Variants in SERINC5 observed in about 807,000 individuals in gnomAD.
SERINC5 encodes the protein serine incorporator 5.
In SERINC5, 41 loss-of-function variants were observed where a neutral mutation model predicts 63.1. The observed-to-expected ratio is 0.65, with a 90% CI of 0.51 to 0.84. SERINC5 has a LOEUF of 0.84. SERINC5 is among the 40% of genes least tolerant of loss of function. SERINC5 has a pLI of 0.00. For synonymous variants in SERINC5, 222 were observed against 215.2 expected, an observed-to-expected ratio of 1.03 and a Z score of -0.28; for missense variants, 523 against 573.0, an observed-to-expected ratio of 0.91 and a Z score of 0.89.
Position 80,146,207 on chromosome 5 carries a change from T to A in SERINC5, c.1121A>T (p.Glu374Val). 6.2e-7 allele frequency: 1 copy of A among 1,614,008 alleles called. No homozygotes were observed. ...EDTEEQQPGK[E>V]GPRVIYDEKK... ...CTCGTCATAAATGACCCGTGGTCCC[T>A]CCTTCCCCGGCTGCTGCTCTTCAGT... Residue 374 changes from glutamate to valine, a missense_variant, in exon 11 of 12, where the codon GAG becomes GTG. Transcript: ENST00000507668.
intron 1 of SERINC5, among the ~76,000 whole-genome samples, chr5:80,243,125 T>G (rs1192239795): frequency 1.3e-5 from 2 of 152,216 alleles, no homozygotes; most frequent in Non-Finnish European, 2.9e-5. Flanking sequence ...CCCTGGTCTT[T>G]AGGCAACATT....
chr5:80,121,864 A>AC (rs1744556280), intron 11 of SERINC5, among the ~76,000 whole-genome samples: 1 of 151,764 alleles, frequency 6.6e-6, no homozygotes, highest in African/African-American at 2.4e-5. Context: ...TAGAGTGAGA[A>AC]CCCACTCATT....
At chr5:80,185,618 A>G (rs1748746003) in intron 2 of SERINC5, among the ~76,000 whole-genome samples, 1 of 152,134 alleles carries the variant, frequency 6.6e-6, no homozygotes. Flanking sequence ...AAAGGGAGAT[A>G]AGGGTGGGGC....
chr5:80,136,796 G>T (rs1362004403), downstream of SERINC5, among the ~76,000 whole-genome samples: 1 of 152,080 alleles, frequency 6.6e-6, no homozygotes, highest in Non-Finnish European at 1.5e-5. Context: ...CACCTGAATA[G>T]GTATTTCTCA....
chr5:80,230,175 A>C (rs772744794), intron 1 of SERINC5, among the ~76,000 whole-genome samples: 9 of 152,168 alleles, frequency 5.9e-5, no homozygotes, highest in Admixed American at 1.3e-4. Flanking sequence ...CTCACACCTG[A>C]CCAAAAACCT....
At chr5:80,249,520 C>T (rs1288535493) in intron 1 of SERINC5, among the ~76,000 whole-genome samples, 2 of 151,358 alleles carry the variant, frequency 1.3e-5, no homozygotes, top group Non-Finnish European at 2.9e-5. Context: ...TTATAAATAT[C>T]GGCCGGGCAC....
rs951183807 is a variant in SERINC5 at position 80,139,346 on chromosome 5, G to C, written c.*4317C>G. 1 of 984,746 alleles carries C rather than the reference G, an allele frequency of 1.0e-6. No individual in the cohort carries two copies. Among genetic ancestry groups the C allele is most frequent in the African/African-American group, 1.7e-5 (1 of 57,164 alleles). The allele number at this position is 984,746 out of a possible 1,614,324, so 61.0% of individuals were successfully genotyped here. A position where few individuals can be genotyped will look rare whatever the true frequency, so the allele number is the denominator to read the frequency against. On this transcript the variant is annotated 3_prime_UTR_variant, in exon 12 of 12. Coordinates refer to ENST00000507668, the MANE Select transcript of SERINC5 (RefSeq NM_001174072.3). ...AATCTGCTGTAAGCTTTCTTTACCT[G>C]AGAGAACTTCCCAGGATCCTTTATC...
intron 8 of SERINC5, among the ~76,000 whole-genome samples, chr5:80,153,371 T>C (rs1473276065): frequency 1.3e-5 from 2 of 151,884 alleles, no homozygotes; most frequent in African/African-American, 4.8e-5. Flanking sequence ...GGCAAGAGAA[T>C]TGCTTGAACC....
chr5:80,140,250 T>C lies in SERINC5; in HGVS notation c.*3413A>G. On this transcript the variant is annotated 3_prime_UTR_variant, in exon 12 of 12. Coordinates refer to ENST00000507668, the MANE Select transcript of SERINC5 (RefSeq NM_001174072.3). ...TGAGCCCAGGAGGTCAAGCCTGCCATGAGTCAAGATCATGTCACTGCACTC... is the reference window on the plus strand; with the variant it reads ...TGAGCCCAGGAGGTCAAGCCTGCCACGAGTCAAGATCATGTCACTGCACTC... The C allele has an allele frequency of 1.1e-6, 1 of 891,236 alleles. No homozygotes were observed. The highest frequency in any genetic ancestry group is 1.3e-6 in the Non-Finnish European group (1 of 764,948). The allele number at this position is 891,236 out of a possible 1,614,324, so 55.2% of individuals were successfully genotyped here.
rs1745420693 is a variant in SERINC5 at position 80,140,243 on chromosome 5, C to T, written c.*3420G>A. 9 of 889,952 alleles carry T rather than the reference C, an allele frequency of 1.0e-5. No individual in the cohort carries two copies. Among genetic ancestry groups the T allele is most frequent in the Non-Finnish European group, 1.2e-5 (9 of 754,358 alleles). The allele number at this position is 889,952 out of a possible 1,614,324, so 55.1% of individuals were successfully genotyped here. On this transcript the variant is annotated 3_prime_UTR_variant, in exon 12 of 12. Transcript: ENST00000507668. The stretch of plus-strand genomic sequence containing the variant: ...TGGTCCTTGAGCCCAGGAGGTCAAG[C>T]CTGCCATGAGTCAAGATCATGTCAC...
chr5:80,169,861 AAC>A (rs1747537515), intron 5 of SERINC5, among the ~76,000 whole-genome samples: 1 of 152,194 alleles, frequency 6.6e-6, no homozygotes, highest in Non-Finnish European at 1.5e-5. Context: ...AGACTGAGGC[AAC>A]AGTCTCAATC....
chr5:80,141,524 G>A lies in SERINC5; in HGVS notation c.*2139C>T. ...GCCGAGAGGACAAAGCAAGGGCTCT[G>A]CTAGACCTCAGCAGGAGGAAAACAA... On this transcript the variant is annotated 3_prime_UTR_variant, in exon 12 of 12. Coordinates refer to ENST00000507668, the MANE Select transcript of SERINC5 (RefSeq NM_001174072.3). 1.0e-6 allele frequency: 1 copy of A among 985,498 alleles called. No homozygotes were observed. Among genetic ancestry groups the A allele is most frequent in the Non-Finnish European group, 1.2e-6 (1 of 830,010 alleles). The allele number at this position is 985,498 out of a possible 1,614,324, so 61.0% of individuals were successfully genotyped here.
chr5:80,246,564 T>C (rs1359271796), intron 1 of SERINC5, among the ~76,000 whole-genome samples: 1 of 152,308 alleles, frequency 6.6e-6, no homozygotes, highest in East Asian at 1.9e-4. Context: ...TGTTTCAAAA[T>C]TTACTCTCTG....
intron 1 of SERINC5, among the ~76,000 whole-genome samples, chr5:80,226,184 A>T (rs10474611): frequency 0.49 from 74,620 of 151,962 alleles, 18,779 homozygotes; most frequent in African/African-American, 0.6. Context: ...CAGACTCCCA[A>T]GTAGCTGGAG....
Position 80,141,890 on chromosome 5 carries a change from A to G in SERINC5, c.*1773T>C, listed in dbSNP as rs1304724401. The G allele has an allele frequency of 2.0e-6, 2 of 985,338 alleles. No homozygotes were observed. Among genetic ancestry groups the G allele is most frequent in the African/African-American group, 3.5e-5 (2 of 57,248 alleles). 61.0% of individuals were successfully genotyped at this position (985,338 alleles called of 1,614,324 possible). A position where few individuals can be genotyped will look rare whatever the true frequency, so the allele number is the denominator to read the frequency against. Reference sequence around the variant, plus strand: ...TTGAAACTGAATCTCAAACACTCTAAGTAGGGAAAGTTCTAAAGGAATTCA... The same window carrying G: ...TTGAAACTGAATCTCAAACACTCTAGGTAGGGAAAGTTCTAAAGGAATTCA... On this transcript the variant is annotated 3_prime_UTR_variant, in exon 12 of 12. Transcript: ENST00000507668.
chr5:80,217,824 G>C (rs1368198755), intron 1 of SERINC5, among the ~76,000 whole-genome samples: 2 of 152,212 alleles, frequency 1.3e-5, no homozygotes, highest in South Asian at 4.2e-4. Context: ...GGAAGTCCCT[G>C]ATCTAGTCCA....
chr5:80,214,552 T>TAA (rs11376766), intron 1 of SERINC5, among the ~76,000 whole-genome samples: 3 of 119,076 alleles, frequency 2.5e-5, no homozygotes, highest in Non-Finnish European at 3.8e-5. Flanking sequence ...ATTGAGGCAT[T>TAA]AAAAAAACAA....
chr5:80,144,899 A>G (rs1341133068), intron 11 of SERINC5, among the ~76,000 whole-genome samples: 2 of 152,092 alleles, frequency 1.3e-5, no homozygotes, highest in Non-Finnish European at 2.9e-5. Context: ...CTTAGTGGTC[A>G]AAAAAATTAT....
chr5:80,156,999 T>TTC (rs1746575983), intron 8 of SERINC5: 1 of 146,676 alleles, frequency 6.8e-6, no homozygotes, highest in South Asian at 2.1e-4. Flanking sequence ...TTTTCTTTTT[T>TTC]TTTTTTTTTT....
Sources: gnomAD v4.1 joint callset for allele counts (sites outside exome capture counted in the v4.1 genomes callset) on GRCh38, gnomAD v4.1.1 for gene constraint, MANE v1.5 for transcripts, NCBI Gene and HGNC (gene_info 2026-07-23, HGNC 2026-07-21) for gene names.